SEPTIN2: variants seen among roughly 807,000 people sequenced by gnomAD.
The protein encoded by SEPTIN2 is septin 2, also known as septin-2.
A neutral mutation model predicts 46.5 loss-of-function variants in SEPTIN2; 34 were observed. That is an observed-to-expected ratio of 0.73 (90% confidence interval 0.56 to 0.97). SEPTIN2 has a LOEUF of 0.97. SEPTIN2 is among the 50% of genes least tolerant of loss of function. The pLI, the probability that SEPTIN2 is intolerant of heterozygous loss-of-function variation, is 0.00. For synonymous variants in SEPTIN2, 175 were observed against 153.4 expected, an observed-to-expected ratio of 1.14 and a Z score of -1.04; for missense variants, 347 against 448.4, an observed-to-expected ratio of 0.77 and a Z score of 2.04.
intron 1 of SEPTIN2, among the ~76,000 whole-genome samples, chr2:241,322,989 TAC>T (rs1559595905): frequency 6.6e-6 from 1 of 151,106 alleles, no homozygotes; most frequent in East Asian, 2.0e-4. Flanking sequence ...AATATGTGCG[TAC>T]ATATATATAT....
intron 11 of SEPTIN2, 99 bp from the exon 12 acceptor site, chr2:241,349,974 A>G (rs1239182344): frequency 9.1e-7 from 1 of 1,097,632 alleles, no homozygotes; most frequent in African/African-American, 1.6e-5. Flanking sequence ...TATTTTGGGA[A>G]GGTGTAGAAG....
chr2:241,324,267 A>T (rs1372034120), intron 2 of SEPTIN2, 26 bp downstream of exon 2: 9 of 1,594,212 alleles, frequency 5.6e-6, no homozygotes, highest in South Asian at 4.6e-5. Flanking sequence ...ATGTATCTAC[A>T]GCATAAGGAG....
chr2:241,349,794 C>G (rs903919833), intron 11 of SEPTIN2, among the ~76,000 whole-genome samples: 16 of 152,198 alleles, frequency 1.1e-4, no homozygotes, highest in Non-Finnish European at 1.9e-4. Flanking sequence ...GCACTCCAGC[C>G]TAGGAGACAG....
intron 7 of SEPTIN2, among the ~76,000 whole-genome samples, chr2:241,338,641 ATATAT>A (rs1319158037): frequency 7.7e-6 from 1 of 129,632 alleles, no homozygotes; most frequent in Non-Finnish European, 1.6e-5. Context: ...AATATATATA[ATATAT>A]ATTACATATA....
At chr2:241,321,147 C>G (rs1290835835) in intron 1 of SEPTIN2, among the ~76,000 whole-genome samples, 3 of 152,084 alleles carry the variant, frequency 2.0e-5, no homozygotes, top group African/African-American at 7.2e-5. Context: ...TCAAATTTCT[C>G]TATGTCTGCT....
chr2:241,322,815 A>G (rs1266165833), intron 1 of SEPTIN2, among the ~76,000 whole-genome samples: 4 of 152,108 alleles, frequency 2.6e-5, no homozygotes, highest in Non-Finnish European at 5.9e-5. Flanking sequence ...ACAGTGCTCT[A>G]TGTAATGAAG....
At chr2:241,347,994 G>A (rs765030114) in intron 10 of SEPTIN2, 140 bp from the exon 11 acceptor site, 99 of 609,506 alleles carry the variant, frequency 1.6e-4, no homozygotes, top group Middle Eastern at 5.0e-4. Context: ...CAGCCCGTGC[G>A]ACAGAGTGAG....
intron 1 of SEPTIN2, among the ~76,000 whole-genome samples, chr2:241,320,622 C>T (rs2076986246): frequency 1.3e-5 from 2 of 152,096 alleles, no homozygotes; most frequent in Admixed American, 1.3e-4. Context: ...GACCCCATCT[C>T]TACTAAAAAT....
chr2:241,328,984 C>T (rs1412091459), intron 3 of SEPTIN2, among the ~76,000 whole-genome samples: 1 of 152,056 alleles, frequency 6.6e-6, no homozygotes, highest in Non-Finnish European at 1.5e-5. Flanking sequence ...CGCGCCATTG[C>T]ACTCCAGCCT....
chr2:241,341,566 A>G (rs529079880), intron 7 of SEPTIN2, among the ~76,000 whole-genome samples: 41 of 152,316 alleles, frequency 2.7e-4, no homozygotes, highest in African/African-American at 2.9e-4. Context: ...TCTCCCAGAG[A>G]TAAGATGGTT....
At chr2:241,345,936 G>A (rs950594938) in intron 9 of SEPTIN2, among the ~76,000 whole-genome samples, 11 of 152,200 alleles carry the variant, frequency 7.2e-5, no homozygotes, top group African/African-American at 2.4e-4. Flanking sequence ...GAGAGACTCA[G>A]TCGAGACCTG....
chr2:241,323,067 C>T (rs1411474799), intron 1 of SEPTIN2, among the ~76,000 whole-genome samples: 1 of 151,744 alleles, frequency 6.6e-6, no homozygotes, highest in African/African-American at 2.4e-5. Context: ...TAGGGTTTTG[C>T]TATGTTGCCC....
At chr2:241,339,294 GA>G (rs2080924574) in intron 7 of SEPTIN2, among the ~76,000 whole-genome samples, 1 of 150,756 alleles carries the variant, frequency 6.6e-6, no homozygotes, top group African/African-American at 2.4e-5. Flanking sequence ...TCAGGAGGCT[GA>G]AGCAAAAGAA....
intron 3 of SEPTIN2, among the ~76,000 whole-genome samples, chr2:241,332,348 A>C (rs539841061): frequency 6.6e-6 from 1 of 152,222 alleles, no homozygotes; most frequent in African/African-American, 2.4e-5. Flanking sequence ...CCCACTTACA[A>C]AGAGGGGGCA....
Position 241,325,909 on chromosome 2 carries a change from T to C in SEPTIN2, c.10-84T>C, listed in dbSNP as rs1388686836. 6.8e-6 allele frequency: 9 copies of C among 1,332,954 alleles called. No individual in the cohort carries two copies. The South Asian group carries it at 7.3e-5, about 11-fold the overall frequency. The allele number at this position is 1,332,954 out of a possible 1,614,324, so 82.6% of individuals were successfully genotyped here. On this transcript the variant is annotated intron_variant, in intron 2 of 12. Coordinates refer to ENST00000391971, the MANE Select transcript of SEPTIN2 (RefSeq NM_004404.5). ...AAAATTTGTGAAAACTGATAACCTA[T>C]GTTTGTTTCATGTCTAACTGATTAT...
Position 241,324,159 on chromosome 2 carries a change from A to T in SEPTIN2, c.-17-57A>T, listed in dbSNP as rs985283988. 9 of 1,518,500 alleles carry T rather than the reference A, an allele frequency of 5.9e-6. No homozygotes were observed. In the African/African-American group the frequency reaches 1.1e-4, roughly 19 times the overall value. 94.1% of individuals were successfully genotyped at this position (1,518,500 alleles called of 1,614,324 possible). A position where few individuals can be genotyped will look rare whatever the true frequency, so the allele number is the denominator to read the frequency against. ...TTCACGCTGTTAAATATACGTGCGT[A>T]TACATACATACTATGTATGTGCGTT... On this transcript the variant is annotated intron_variant, in intron 1 of 12. Coordinates refer to ENST00000391971, the MANE Select transcript of SEPTIN2 (RefSeq NM_004404.5).
chr2:241,343,030 T>C lies in SEPTIN2; in HGVS notation c.633T>C (p.Tyr211=). The part of the protein sequence containing the change: ...DEIEEHNIKI[Y]HLPDAESDED... ...TTGAAGAACATAACATCAAAATCTA[T>C]CACTTACCTGATGCAGAATCAGATG... Residue 211 remains tyrosine (Y), a synonymous_variant, in exon 8 of 13, where the codon TAT becomes TAC. Coordinates refer to ENST00000391971, the MANE Select transcript of SEPTIN2 (RefSeq NM_004404.5). 6.2e-7 allele frequency: 1 copy of C among 1,610,744 alleles called. No individual in the cohort carries two copies. Among genetic ancestry groups the C allele is most frequent in the Non-Finnish European group, 8.5e-7 (1 of 1,177,410 alleles).
intron 2 of SEPTIN2, among the ~76,000 whole-genome samples, chr2:241,325,425 T>G (rs1364842959): frequency 6.6e-6 from 1 of 152,188 alleles, no homozygotes; most frequent in East Asian, 1.9e-4. Context: ...CACTAGATAC[T>G]CAACATCCCA....
At chr2:241,333,653 G>A (rs2079406228) in intron 3 of SEPTIN2, among the ~76,000 whole-genome samples, 1 of 151,620 alleles carries the variant, frequency 6.6e-6, no homozygotes. Context: ...ACAGGCGCCC[G>A]CCACCACGCC....
Sources: allele counts gnomAD v4.1 joint callset (sites outside exome capture counted in the v4.1 genomes callset), GRCh38; gene constraint gnomAD v4.1.1; transcripts MANE v1.5; gene names NCBI Gene and HGNC (gene_info 2026-07-23, HGNC 2026-07-21).